Variants in NCOR2 observed in about 807,000 individuals in gnomAD.
NCOR2 encodes nuclear receptor corepressor 2.
Under a neutral mutation model 262.9 loss-of-function variants are expected in NCOR2, and 81 were observed. The ratio of observed to expected loss-of-function variants is 0.31; its 90% CI spans 0.26 to 0.37. NCOR2 has a LOEUF of 0.37. NCOR2 is among the 10% of genes least tolerant of loss of function. The pLI, the probability that NCOR2 is intolerant of heterozygous loss-of-function variation, is 1.00. For synonymous variants in NCOR2, 1,659 were observed against 1,559.3 expected (o/e 1.06, Z -1.51); for missense variants, 3,385 against 3,621.4 (o/e 0.93, Z 1.68).
At position 124,431,574 on chromosome 12, in the gene NCOR2, GAC is replaced by G. The variant is rs151172779; in HGVS notation, c.883-789_883-788del. Among the ~76,000 whole-genome samples the G allele has an allele frequency of 1.1e-3, 155 of 147,168 alleles. 1 individual carries two copies. The East Asian group carries it at 0.023, about 22-fold the overall frequency. On this transcript the variant is annotated intron_variant, in intron 8 of 46. Transcript: ENST00000405201. ...CAGGCACACACAAGATACACAGAGAGACACACACACACAGATATATGCACAGG... is the reference window on the plus strand; with the variant it reads ...CAGGCACACACAAGATACACAGAGAGACACACACACAGATATATGCACAGG...
rs1274439066 is a variant in NCOR2 at position 124,482,521 on chromosome 12, A to G, written c.411+1075T>C. Among the ~76,000 whole-genome samples the G allele has an allele frequency of 1.3e-5, 2 of 152,128 alleles. No individual in the cohort carries two copies. Among genetic ancestry groups the G allele is most frequent in the East Asian group, 1.9e-4 (1 of 5,178 alleles). On this transcript the variant is annotated intron_variant, in intron 3 of 46. Coordinates refer to ENST00000405201, the Ensembl canonical transcript of NCOR2. The surrounding 1 kb of genome is among the most constrained non-coding windows in gnomAD (Gnocchi z 6.3). ...CACGGGTGCCAAATAGTTCCCACGC[A>G]TGGGGCCCACAGCCGAGCCCTCTAC...
intron 18 of NCOR2, among the ~76,000 whole-genome samples, chr12:124,376,368 G>A (rs1331282215): frequency 6.6e-6 from 1 of 152,252 alleles, no homozygotes; most frequent in Non-Finnish European, 1.5e-5. Flanking sequence ...GCCATGGCTT[G>A]GCTTCCTGAA....
intron 7 of NCOR2, among the ~76,000 whole-genome samples, chr12:124,445,391 G>A (rs1352204789): frequency 6.6e-6 from 1 of 152,224 alleles, no homozygotes; most frequent in African/African-American, 2.4e-5. Context: ...CACCAGCAGC[G>A]CCCGAAGCAG....
At chr12:124,361,838 T>C (rs1215131009) in intron 22 of NCOR2, among the ~76,000 whole-genome samples, 2 of 130,356 alleles carry the variant, frequency 1.5e-5, no homozygotes, top group East Asian at 4.8e-4. Flanking sequence ...TCACATAAGA[T>C]GGATTTCTGG....
At chr12:124,431,268 C>T (rs1315808214) in intron 8 of NCOR2, among the ~76,000 whole-genome samples, 3 of 151,664 alleles carry the variant, frequency 2.0e-5, no homozygotes, top group East Asian at 3.9e-4. Context: ...ACAAGTCACA[C>T]AGGCAGACAC....
At chr12:124,472,679 T>C (rs2136696666) in intron 4 of NCOR2, among the ~76,000 whole-genome samples, 1 of 152,322 alleles carries the variant, frequency 6.6e-6, no homozygotes. Context: ...TTAATACGTA[T>C]ATTAAATAAA....
intron 11 of NCOR2, among the ~76,000 whole-genome samples, chr12:124,423,487 C>A (rs2043340552): frequency 6.6e-6 from 1 of 152,214 alleles, no homozygotes; most frequent in African/African-American, 2.4e-5. Flanking sequence ...ATCCGAGGAT[C>A]CTGAACAGTC....
exon 38 of NCOR2, chr12:124,336,913 G>A: frequency 1.3e-6 from 2 of 1,595,076 alleles, no homozygotes; most frequent in Non-Finnish European, 1.7e-6. Flanking sequence ...CGTGGCCAGA[G>A]ACAGGAGGCA....
At position 124,429,721 on chromosome 12, in the gene NCOR2, G is replaced by A. The variant is rs2043803375; in HGVS notation, c.1056-15C>T. 6.3e-7 allele frequency: 1 copy of A among 1,588,762 alleles called. No homozygotes were observed. The highest frequency in any genetic ancestry group is 8.6e-7 in the Non-Finnish European group (1 of 1,167,416). On this transcript the variant is annotated splice_polypyrimidine_tract_variant and intron_variant, in intron 9 of 46. Transcript: ENST00000405201. ...GGCCCACCCTGCTGGGGACCAAGGG[G>A]ACACACTCAGGACCGGTCTTCTGGT...
At position 124,355,493 on chromosome 12, in the gene NCOR2, G is replaced by A. The variant is rs770903876; in HGVS notation, c.3320C>T (p.Pro1107Leu). Residue 1107 changes from proline to leucine, a missense_variant, in exon 24 of 47, where the codon CCC becomes CTC. Pro to Leu is a moderately conservative substitution (Grantham distance 98, BLOSUM62 -3). This residue lies in a region of NCOR2 where 1,615 missense variants were observed against 1,626.9 expected (regional missense o/e 0.99). Coordinates refer to ENST00000405201, the Ensembl canonical transcript of NCOR2. ...GGGGTGCTTGGCAGAGGAGATGAGGGGAGGCGGGTTGGAGATGGTGGGTGG... is the reference window on the plus strand; with the variant it reads ...GGGGTGCTTGGCAGAGGAGATGAGGAGAGGCGGGTTGGAGATGGTGGGTGG... The A allele has an allele frequency of 4.3e-6, 7 of 1,611,328 alleles. No homozygotes were observed. The highest frequency in any genetic ancestry group is 5.1e-6 in the Non-Finnish European group (6 of 1,179,254).
chr12:124,389,216 G>C lies in NCOR2; in HGVS notation c.1877-3329C>G, dbSNP rs1246495889. On this transcript the variant is annotated intron_variant, in intron 16 of 46. Transcript: ENST00000405201. This position sits in a 1 kb window ranked among gnomAD's most constrained non-coding sequence, Gnocchi z 4.4. ...GCCGGCCAGAGCCCACAGACCCCCG[G>C]GCCGGGCAAAATCCAAGGACCCAGG... is the stretch of plus-strand genomic sequence containing the variant. 6.6e-6 allele frequency among the ~76,000 whole-genome samples: 1 copy of C among 152,232 alleles called. No homozygotes were observed. Among genetic ancestry groups the C allele is most frequent in the East Asian group, 1.9e-4 (1 of 5,192 alleles).
At chr12:124,512,101 A>G (rs1212787065) in intron 1 of NCOR2, among the ~76,000 whole-genome samples, 1 of 152,136 alleles carries the variant, frequency 6.6e-6, no homozygotes, top group Non-Finnish European at 1.5e-5. Flanking sequence ...TTGTAGAGAC[A>G]GGGTCTCGCC....
intron 34 of NCOR2, among the ~76,000 whole-genome samples, 195 bp downstream of exon 36, chr12:124,341,628 C>G (rs772763906): frequency 1.3e-4 from 20 of 152,192 alleles, no homozygotes; most frequent in African/African-American, 4.6e-4. Flanking sequence ...AGGAGCCACA[C>G]GCTGTGCACT....
At chr12:124,447,797 A>T (rs1458041376) in intron 7 of NCOR2, among the ~76,000 whole-genome samples, 1 of 151,834 alleles carries the variant, frequency 6.6e-6, no homozygotes, top group Non-Finnish European at 1.5e-5. Context: ...CCTGGGCTCA[A>T]GCGATTCTCC....
exon 14 of NCOR2, chr12:124,402,532 C>CTGCTGG: frequency 2.6e-6 from 4 of 1,568,462 alleles, no homozygotes; most frequent in Non-Finnish European, 3.5e-6. Context: ...GCTGCTGCTG[C>CTGCTGG]TGCTGCTGCT....
chr12:124,534,643 G>A (rs113536986), intron 1 of NCOR2, among the ~76,000 whole-genome samples: 5,574 of 152,264 alleles, frequency 0.037, 324 homozygotes, highest in African/African-American at 0.13. Context: ...CCATGCGCAC[G>A]AGCCCTGCAA....
rs1265541072 is a variant in NCOR2 at position 124,440,628 on chromosome 12, G to A, written c.816-2632C>T. Among the ~76,000 whole-genome samples, 1 of 152,240 alleles carries A rather than the reference G, an allele frequency of 6.6e-6. No individual in the cohort carries two copies. The highest frequency in any genetic ancestry group is 1.5e-5 in the Non-Finnish European group (1 of 68,042). ...TGTGCCAGGCACTGTTCCAGGTGCT[G>A]GGGACACAGCAGGGAGCAAGACACA... On this transcript the variant is annotated intron_variant, in intron 7 of 46. Coordinates refer to ENST00000405201, the Ensembl canonical transcript of NCOR2. This position sits in a 1 kb window ranked among gnomAD's most constrained non-coding sequence, Gnocchi z 5.7.
intron 1 of NCOR2, among the ~76,000 whole-genome samples, chr12:124,521,895 G>A (rs765250133): frequency 6.6e-6 from 1 of 152,128 alleles, no homozygotes; most frequent in Non-Finnish European, 1.5e-5. Context: ...GCGCATACCC[G>A]TAATTCCAGC....
At chr12:124,335,027 C>T in intron 40 of NCOR2, 108 bp downstream of exon 42, 1 of 1,558,528 alleles carries the variant, frequency 6.4e-7, no homozygotes, top group Non-Finnish European at 8.8e-7. Flanking sequence ...CCTGGATCCC[C>T]CAGCCACCCC....
Sources: allele counts gnomAD v4.1 joint callset (sites outside exome capture counted in the v4.1 genomes callset), GRCh38; gene constraint gnomAD v4.1.1; regional missense constraint gnomAD v4.1.1; non-coding constraint Gnocchi (gnomAD v3.1); transcripts MANE v1.5; gene names NCBI Gene and HGNC (gene_info 2026-07-23, HGNC 2026-07-21).